The following MYO1H variants were observed in gnomAD, a reference collection of about 807,000 sequenced individuals.
MYO1H encodes the protein unconventional myosin-Ih.
Under a neutral mutation model 149.3 loss-of-function variants are expected in MYO1H, and 118 were observed. That is an observed-to-expected ratio of 0.79 (90% CI 0.68 to 0.92). MYO1H has a LOEUF of 0.92. MYO1H is among the 40% of genes least tolerant of loss of function. The probability of loss-of-function intolerance (pLI) is 0.00; values close to 1 mark genes in which losing one functional copy is unlikely to be tolerated. For synonymous variants in MYO1H, 447 were observed against 465.2 expected (o/e 0.96, Z 0.50); for missense variants, 1,212 against 1,280.7 (o/e 0.95, Z 0.82).
At chr12:109,366,221 C>CT (rs956613219) in intron 1 of MYO1H, among the ~76,000 whole-genome samples, 2 of 152,302 alleles carry the variant, frequency 1.3e-5, no homozygotes, top group African/African-American at 4.8e-5. Context: ...CCAATCACTT[C>CT]TTTTTGCAAA....
chr12:109,400,674 G>A (rs1870123763), intron 5 of MYO1H, among the ~76,000 whole-genome samples: 1 of 152,174 alleles, frequency 6.6e-6, no homozygotes, highest in African/African-American at 2.4e-5. Context: ...AAAGGATAGA[G>A]TTCACATGTA....
At chr12:109,338,911 G>T in the MYO1H span, among the ~76,000 whole-genome samples, 3 of 151,526 alleles carry the variant, frequency 2.0e-5, no homozygotes, top group Non-Finnish European at 4.4e-5. Context: ...ATAAAGTCTT[G>T]TCCTTTTGCT....
At chr12:109,438,321 A>C (rs1216062862) in intron 22 of MYO1H, among the ~76,000 whole-genome samples, 2 of 152,124 alleles carry the variant, frequency 1.3e-5, no homozygotes, top group African/African-American at 4.8e-5. Context: ...AACCTTCCAT[A>C]GCCCCCTCTG....
intron 1 of MYO1H, among the ~76,000 whole-genome samples, chr12:109,372,418 T>C (rs1160174925): frequency 6.6e-6 from 1 of 152,066 alleles, no homozygotes; most frequent in Non-Finnish European, 1.5e-5. Context: ...AATTCACACT[T>C]TTTAGATGAC....
chr12:109,358,026 C>G (rs1405844333), intron 1 of MYO1H, among the ~76,000 whole-genome samples: 1 of 151,906 alleles, frequency 6.6e-6, no homozygotes, highest in African/African-American at 2.4e-5. Flanking sequence ...CAAAACTGTT[C>G]TTGCTTTTTG....
Position 109,441,709 on chromosome 12 carries a change from G to GT in MYO1H, c.2632+2dup. 6.2e-7 allele frequency: 1 copy of GT among 1,605,312 alleles called. No homozygotes were observed. On this transcript the variant is annotated splice_donor_variant, in intron 26 of 31. Coordinates refer to ENST00000310903, the Ensembl canonical transcript of MYO1H. LOFTEE classifies it high-confidence loss of function. Reference sequence around the variant, plus strand: ...CAACCCTTTGTCAACAGTCGGATAGGTAAGTACATTTTCCAGCCTATGTAC... The same window carrying GT: ...CAACCCTTTGTCAACAGTCGGATAGGTTAAGTACATTTTCCAGCCTATGTAC...
intron 1 of MYO1H, among the ~76,000 whole-genome samples, chr12:109,358,999 G>T (rs1868676804): frequency 6.6e-6 from 1 of 152,046 alleles, no homozygotes; most frequent in Non-Finnish European, 1.5e-5. Flanking sequence ...TTGGCCTGTG[G>T]TCCCTCGCTG....
chr12:109,378,814 G>A (rs1490553875), intron 1 of MYO1H, among the ~76,000 whole-genome samples: 3 of 152,128 alleles, frequency 2.0e-5, no homozygotes, highest in Non-Finnish European at 2.9e-5. Flanking sequence ...GGATAGGGGT[G>A]GGTGTGAAGT....
intron 15 of MYO1H, among the ~76,000 whole-genome samples, chr12:109,416,639 G>A (rs1172503272): frequency 1.3e-5 from 2 of 151,950 alleles, no homozygotes; most frequent in Admixed American, 1.3e-4. Flanking sequence ...TTTCAGTATG[G>A]GCATAAGTTT....
At chr12:109,375,156 A>ATTTT (rs71079553) in intron 1 of MYO1H, among the ~76,000 whole-genome samples, 2 of 124,266 alleles carry the variant, frequency 1.6e-5, no homozygotes, top group Non-Finnish European at 1.6e-5. Flanking sequence ...TGCCCGGCGG[A>ATTTT]TTTTTTTTTT....
chr12:109,352,320 T>C (rs145225859), intron 1 of MYO1H, among the ~76,000 whole-genome samples: 80 of 152,312 alleles, frequency 5.3e-4, no homozygotes, highest in African/African-American at 1.6e-3. Flanking sequence ...CCCATGCATC[T>C]TGCATTTCTT....
chr12:109,394,753 T>C lies in MYO1H; in HGVS notation c.290+1307T>C, dbSNP rs1269135268. Among the ~76,000 whole-genome samples, 4 of 152,140 alleles carry C rather than the reference T, an allele frequency of 2.6e-5. No homozygotes were observed. In the South Asian group the frequency reaches 8.3e-4, roughly 32 times the overall value. On this transcript the variant is annotated intron_variant, in intron 3 of 31. Coordinates refer to ENST00000310903, the Ensembl canonical transcript of MYO1H. The stretch of plus-strand genomic sequence containing the variant: ...CCACTTTCTAAGTCACTTATAAGCC[T>C]TTCTGCATCACCACCATATATATGT...
the MYO1H span, among the ~76,000 whole-genome samples, chr12:109,326,508 ATTT>A: frequency 1.0e-5 from 1 of 97,744 alleles, no homozygotes; most frequent in Non-Finnish European, 2.3e-5. Context: ...ATTTTATTTT[ATTT>A]TATTTTATTT....
rs373544138 is a variant in MYO1H, at chr12:109,373,715, A to G, written c.13-14968A>G. ...ATTTTTATTACAAAATATCACACAC[A>G]GAAGAGTATATATAAATATGTATAA... On this transcript the variant is annotated intron_variant, in intron 1 of 31. Transcript: ENST00000310903. Among the ~76,000 whole-genome samples, 28 of 152,342 alleles carry G rather than the reference A, an allele frequency of 1.8e-4. No individual in the cohort carries two copies. The East Asian group carries it at 4.0e-3, about 22-fold the overall frequency.
intron 27 of MYO1H, among the ~76,000 whole-genome samples, chr12:109,443,102 ACG>A (rs1491270269): frequency 2.6e-5 from 3 of 114,164 alleles, no homozygotes; most frequent in Non-Finnish European, 5.7e-5. Context: ...ATATATGTGT[ACG>A]TATATGTGTG....
At chr12:109,415,075 G>C (rs1422653423) in intron 14 of MYO1H, among the ~76,000 whole-genome samples, 1 of 152,132 alleles carries the variant, frequency 6.6e-6, no homozygotes, top group African/African-American at 2.4e-5. Flanking sequence ...AACTTCCTGG[G>C]AGCCTCCCTG....
chr12:109,416,065 C>T (rs1403799049), intron 15 of MYO1H, among the ~76,000 whole-genome samples: 1 of 151,986 alleles, frequency 6.6e-6, no homozygotes, highest in Non-Finnish European at 1.5e-5. Flanking sequence ...GCCTCAGCCT[C>T]CCAAGTAACT....
chr12:109,444,365 C>G, intron 29 of MYO1H, 67 bp from the exon 30 acceptor site: 1 of 1,566,888 alleles, frequency 6.4e-7, no homozygotes, highest in Non-Finnish European at 8.8e-7. Flanking sequence ...TGAAACTTCT[C>G]TATTGGAGTG....
chr12:109,333,406 C>T, the MYO1H span, among the ~76,000 whole-genome samples: 2 of 152,076 alleles, frequency 1.3e-5, no homozygotes, highest in East Asian at 1.9e-4. Flanking sequence ...GTGCATGGAT[C>T]ATCCATTGCC....
Sources: gnomAD v4.1 joint callset for allele counts (sites outside exome capture counted in the v4.1 genomes callset) on GRCh38, gnomAD v4.1.1 for gene constraint, MANE v1.5 for transcripts, NCBI Gene and HGNC (gene_info 2026-07-23, HGNC 2026-07-21) for gene names.